Variants in TNR observed in about 807,000 individuals in gnomAD.
TNR encodes the protein tenascin-R.
TNR carries 45 observed loss-of-function variants against 150.4 expected under a neutral mutation model. The observed-to-expected ratio is 0.30, with a 90% CI of 0.24 to 0.38. The LOEUF (loss-of-function observed/expected upper bound fraction) is 0.38, where lower values mean the gene tolerates loss of function less well. TNR is among the 10% of genes least tolerant of loss of function. The pLI, the probability that TNR is intolerant of heterozygous loss-of-function variation, is 1.00. For missense variants in TNR, 1,544 were observed against 1,759.1 expected, an observed-to-expected ratio of 0.88 and a Z score of 2.19; for synonymous variants, 687 against 678.4, an observed-to-expected ratio of 1.01 and a Z score of -0.20.
intron 2 of TNR, among the ~76,000 whole-genome samples, chr1:175,410,700 T>C (rs1162549309): frequency 6.6e-6 from 1 of 152,158 alleles, no homozygotes; most frequent in African/African-American, 2.4e-5. Context: ...ACATTAACAT[T>C]GCTGATGGGA....
intron 1 of TNR, among the ~76,000 whole-genome samples, chr1:175,630,463 A>G (rs1297430084): frequency 1.3e-5 from 2 of 152,232 alleles, no homozygotes; most frequent in Non-Finnish European, 2.9e-5. Context: ...GCCGCCATGT[A>G]GCAGGCATGG....
intron 15 of TNR, among the ~76,000 whole-genome samples, chr1:175,358,888 C>A (rs1027383851): frequency 6.6e-6 from 1 of 152,132 alleles, no homozygotes; most frequent in African/African-American, 2.4e-5. Context: ...CACCTGTTAG[C>A]CTGTACTCTC....
At chr1:175,528,729 G>A (rs893719445) in intron 1 of TNR, among the ~76,000 whole-genome samples, 1 of 152,082 alleles carries the variant, frequency 6.6e-6, no homozygotes, top group African/African-American at 2.4e-5. Context: ...CCCTCCAAAA[G>A]GCCTCCCATA....
chr1:175,542,962 AG>A (rs1185284540), intron 1 of TNR, among the ~76,000 whole-genome samples: 2 of 152,192 alleles, frequency 1.3e-5, no homozygotes, highest in Non-Finnish European at 2.9e-5. Flanking sequence ...GACAGAGCTC[AG>A]GGCCAGATTC....
In TNR at chr1:175,406,275, T is replaced by G. The variant is rs1176201343; in HGVS notation, c.440A>C (p.Glu147Ala). ...LLSRIEMLER[E>A]VSVLRDQCNA... ...GCACTGGTCTCGCAGCACCGACACCTCCCTCTCCAGCATCTCGATCCGGCT... is the reference window on the plus strand; with the variant it reads ...GCACTGGTCTCGCAGCACCGACACCGCCCTCTCCAGCATCTCGATCCGGCT... Residue 147 changes from glutamate to alanine, a missense_variant, in exon 3 of 23, where the codon GAG becomes GCG. By Grantham distance (107) the Glu-to-Ala change is moderately radical (BLOSUM62 -1). Coordinates refer to ENST00000367674, the MANE Select transcript of TNR (RefSeq NM_003285.3). 6.2e-7 allele frequency: 1 copy of G among 1,614,028 alleles called. No homozygotes were observed. Among genetic ancestry groups the G allele is most frequent in the Admixed American group, 1.7e-5 (1 of 60,002 alleles).
intron 1 of TNR, among the ~76,000 whole-genome samples, chr1:175,554,114 A>G (rs142036543): frequency 1.3e-5 from 2 of 152,262 alleles, no homozygotes; most frequent in East Asian, 1.9e-4. Context: ...CCCGCTGCAT[A>G]TATTCACTCT....
intron 1 of TNR, among the ~76,000 whole-genome samples, chr1:175,607,604 T>C (rs1362020123): frequency 1.3e-5 from 2 of 152,212 alleles, no homozygotes; most frequent in African/African-American, 4.8e-5. Context: ...CCTCATCTGA[T>C]GAATCCTTTC....
chr1:175,710,041 G>T (rs1364471244), intron 1 of TNR, among the ~76,000 whole-genome samples: 1 of 152,066 alleles, frequency 6.6e-6, no homozygotes, highest in Non-Finnish European at 1.5e-5. Flanking sequence ...GGTTTTCATA[G>T]GAAAAAGTAT....
intron 2 of TNR, among the ~76,000 whole-genome samples, chr1:175,473,708 G>A (rs531403170): frequency 6.6e-6 from 1 of 152,314 alleles, no homozygotes; most frequent in African/African-American, 2.4e-5. Context: ...GAGGGATAAG[G>A]CTGAAGCACT....
At chr1:175,699,573 A>C (rs1036388026) in intron 1 of TNR, among the ~76,000 whole-genome samples, 1 of 152,090 alleles carries the variant, frequency 6.6e-6, no homozygotes, top group Admixed American at 6.6e-5. Flanking sequence ...AAGGAGGGCA[A>C]GGGAAGATGG....
At chr1:175,541,129 G>A (rs979362884) in intron 1 of TNR, among the ~76,000 whole-genome samples, 7 of 152,170 alleles carry the variant, frequency 4.6e-5, no homozygotes, top group African/African-American at 4.8e-5. Flanking sequence ...CCGAGAAGAC[G>A]TCCTGACATT....
chr1:175,713,467 G>T (rs559491198), intron 1 of TNR, among the ~76,000 whole-genome samples: 1 of 152,016 alleles, frequency 6.6e-6, no homozygotes, highest in African/African-American at 2.4e-5. Flanking sequence ...CATTTTTAAA[G>T]TCTAACTTAT....
At position 175,317,966 on chromosome 1, in the gene TNR, G is replaced by C. The variant is rs1648888949; in HGVS notation, c.*5391C>G. 2.6e-5 allele frequency: 4 copies of C among 152,204 alleles called. No homozygotes were observed. Among genetic ancestry groups the C allele is most frequent in the Admixed American group, 6.5e-5 (1 of 15,280 alleles). 9.4% of individuals were successfully genotyped at this position (152,204 alleles called of 1,614,324 possible). Reference sequence around the variant, plus strand: ...GACATTTGGACAATGAAGTGCTGCAGGTGCAATGAAGTCATGTTTCAGGCA... The same window carrying C: ...GACATTTGGACAATGAAGTGCTGCACGTGCAATGAAGTCATGTTTCAGGCA... On this transcript the variant is annotated 3_prime_UTR_variant, in exon 23 of 23. Coordinates refer to ENST00000367674, the MANE Select transcript of TNR (RefSeq NM_003285.3).
intron 1 of TNR, among the ~76,000 whole-genome samples, chr1:175,689,452 G>A (rs2101916835): frequency 6.6e-6 from 1 of 152,306 alleles, no homozygotes; most frequent in South Asian, 2.1e-4. Flanking sequence ...CTTCCAGGGA[G>A]GGAAATGATG....
intron 1 of TNR, among the ~76,000 whole-genome samples, chr1:175,616,525 T>C (rs943127133): frequency 6.6e-6 from 1 of 152,154 alleles, no homozygotes; most frequent in Non-Finnish European, 1.5e-5. Flanking sequence ...TTCTCCCTGT[T>C]GCAGGATGGG....
chr1:175,358,139 C>A (rs1245729346), intron 15 of TNR, among the ~76,000 whole-genome samples: 2 of 152,140 alleles, frequency 1.3e-5, no homozygotes, highest in Non-Finnish European at 2.9e-5. Context: ...AATGCGGGAT[C>A]ATGTTATGAA....
chr1:175,315,820 G>GTGTGCA lies in TNR; in HGVS notation c.*7536_*7537insTGCACA, dbSNP rs1295942833. On this transcript the variant is annotated 3_prime_UTR_variant, in exon 23 of 23. Transcript: ENST00000367674. ...TGCATGTGTGTGTGTGCATGTGTGT[G>GTGTGCA]TGTGTGTGTGTGTGTGTGTGTGTGT... 1 of 145,930 alleles carries GTGTGCA rather than the reference G, an allele frequency of 6.9e-6. No homozygotes were observed. Among genetic ancestry groups the GTGTGCA allele is most frequent in the Non-Finnish European group, 1.5e-5 (1 of 67,992 alleles). 9.0% of individuals were successfully genotyped at this position (145,930 alleles called of 1,614,324 possible). A position where few individuals can be genotyped will look rare whatever the true frequency, so the allele number is the denominator to read the frequency against.
At chr1:175,690,931 CA>C (rs1666343157) in intron 1 of TNR, among the ~76,000 whole-genome samples, 2 of 152,108 alleles carry the variant, frequency 1.3e-5, no homozygotes, top group South Asian at 4.1e-4. Flanking sequence ...AGCAGAATGA[CA>C]AATCAAGGAA....
chr1:175,619,145 C>T (rs1013555742), intron 1 of TNR, among the ~76,000 whole-genome samples: 6 of 152,186 alleles, frequency 3.9e-5, no homozygotes, highest in East Asian at 3.9e-4. Context: ...TCCTCTATCA[C>T]GGTCTACTCC....
Sources: gnomAD v4.1 joint callset for allele counts (sites outside exome capture counted in the v4.1 genomes callset) on GRCh38, gnomAD v4.1.1 for gene constraint, MANE v1.5 for transcripts, NCBI Gene and HGNC (gene_info 2026-07-23, HGNC 2026-07-21) for gene names.